The following FBLN1 variants were observed in gnomAD, a reference collection of about 807,000 sequenced individuals.
The protein encoded by FBLN1 is fibulin-1.
FBLN1 carries 34 observed loss-of-function variants against 89.7 expected under a neutral mutation model. That is an observed-to-expected ratio of 0.38 (90% confidence interval 0.29 to 0.50). The LOEUF (loss-of-function observed/expected upper bound fraction) is 0.50. Among genes scored for constraint, FBLN1 ranks in the 20% least tolerant of loss-of-function variants. FBLN1 has a pLI of 0.92. For synonymous variants in FBLN1, 393 were observed against 391.3 expected (o/e 1.00, Z -0.05); for missense variants, 777 against 988.1 (o/e 0.79, Z 2.86).
chr22:45,518,549 A>G (rs1602167572), intron 1 of FBLN1, 133 bp from the exon 2 acceptor site: 1 of 660,426 alleles, frequency 1.5e-6, no homozygotes, highest in Non-Finnish European at 2.7e-6. Flanking sequence ...TTGCAGAGTG[A>G]CTAAGGGATG....
chr22:45,503,001 C>G lies in FBLN1; in HGVS notation c.16C>G (p.Pro6Ala). The change falls in exon 1 of 17, where the codon CCG becomes GCG. Residue 6 changes from proline to alanine, a missense_variant. By Grantham distance (27) the Pro-to-Ala change is conservative. Transcript: ENST00000327858. ...CCCGCCGCCCATGGAGCGCGCCGCG[C>G]CGTCGCGCCGGGTCCCGCTTCCGCT... MERAA[P>A]SRRVPLPLLL... 1 of 1,229,502 alleles carries G rather than the reference C, an allele frequency of 8.1e-7. No individual in the cohort carries two copies. The highest frequency in any genetic ancestry group is 1.0e-6 in the Non-Finnish European group (1 of 986,278). 76.2% of individuals were successfully genotyped at this position (1,229,502 alleles called of 1,614,324 possible). A position where few individuals can be genotyped will look rare whatever the true frequency, so the allele number is the denominator to read the frequency against.
intron 2 of FBLN1, among the ~76,000 whole-genome samples, chr22:45,521,772 G>A (rs962473767): frequency 1.9e-4 from 29 of 152,210 alleles, no homozygotes; most frequent in African/African-American, 6.5e-4. Context: ...GGCAAGGGCT[G>A]TGGATGCGGG....
In FBLN1 at chr22:45,531,963, C is replaced by A. The variant is rs949777135; in HGVS notation, c.544+639C>A. Among the ~76,000 whole-genome samples, 2 of 152,232 alleles carry A rather than the reference C, an allele frequency of 1.3e-5. No homozygotes were observed. The highest frequency in any genetic ancestry group is 2.9e-5 in the Non-Finnish European group (2 of 68,044). On this transcript the variant is annotated intron_variant, in intron 5 of 16. Coordinates refer to ENST00000327858, the MANE Select transcript of FBLN1 (RefSeq NM_006486.3). This position sits in a 1 kb window ranked among gnomAD's most constrained non-coding sequence, Gnocchi z 4.9. ...TGTCACCATTGGTGATATTCATTTG[C>A]CTCACAGGGAGATGTCTGCACATTT... is the stretch of plus-strand genomic sequence containing the variant.
In FBLN1 at chr22:45,581,773, G is replaced by A. The variant is rs963736273; in HGVS notation, c.1972+4665G>A. On this transcript the variant is annotated intron_variant, in intron 16 of 16. Transcript: ENST00000327858. This position sits in a 1 kb window ranked among gnomAD's most constrained non-coding sequence, Gnocchi z 7.6. ...GGCTGAGGGGTGAGCCAGACAAGTG[G>A]GACACCCAAACTCACAGCCACGTCT... is the stretch of plus-strand genomic sequence containing the variant. Among the ~76,000 whole-genome samples, 10 of 152,026 alleles carry A rather than the reference G, an allele frequency of 6.6e-5. No homozygotes were observed. Among genetic ancestry groups the A allele is most frequent in the African/African-American group, 2.4e-4 (10 of 41,388 alleles).
intron 1 of FBLN1, among the ~76,000 whole-genome samples, chr22:45,514,543 G>T (rs2088143915): frequency 6.6e-6 from 1 of 152,196 alleles, no homozygotes; most frequent in East Asian, 1.9e-4. Context: ...TTTTGTGTGG[G>T]TGGGCTCCAG....
At chr22:45,514,176 A>G (rs551399689) in intron 1 of FBLN1, among the ~76,000 whole-genome samples, 1 of 152,066 alleles carries the variant, frequency 6.6e-6, no homozygotes, top group Non-Finnish European at 1.5e-5. Flanking sequence ...GTGGGAGTGG[A>G]GTTGGTTTTG....
chr22:45,591,478 G>A (rs1308771381), intron 16 of FBLN1, among the ~76,000 whole-genome samples: 1 of 152,146 alleles, frequency 6.6e-6, no homozygotes, highest in African/African-American at 2.4e-5. Context: ...CCTCCAAACT[G>A]TCTGATTTAG....
In FBLN1 at chr22:45,568,589, AG is replaced by A. The variant is rs1569260186; in HGVS notation, c.1698-5918del. 7.5e-3 allele frequency among the ~76,000 whole-genome samples: 776 copies of A among 103,344 alleles called. 278 individuals carry two copies. The highest frequency in any genetic ancestry group is 0.027 in the Middle Eastern group (5 of 188). 67.8% of individuals were successfully genotyped at this position (103,344 alleles called of 152,430 possible). A position where few individuals can be genotyped will look rare whatever the true frequency, so the allele number is the denominator to read the frequency against. Reference sequence around the variant, plus strand: ...TCCTTCTGTAGGAGAATGCTCCTGTAGGGGAATGCTCCTTCTGTAAGGGAAT... The same window carrying A: ...TCCTTCTGTAGGAGAATGCTCCTGTAGGGAATGCTCCTTCTGTAAGGGAAT... On this transcript the variant is annotated intron_variant, in intron 14 of 16. Coordinates refer to ENST00000327858, the MANE Select transcript of FBLN1 (RefSeq NM_006486.3).
chr22:45,503,461 T>G, intron 1 of FBLN1: 2 of 155,906 alleles, frequency 1.3e-5, no homozygotes, highest in African/African-American at 2.4e-5. Flanking sequence ...TCGGCTATCT[T>G]TCCTCACCGC....
chr22:45,591,418 C>G (rs1335996325), intron 16 of FBLN1, among the ~76,000 whole-genome samples: 3 of 129,664 alleles, frequency 2.3e-5, no homozygotes, highest in African/African-American at 1.3e-4. Context: ...GGGAAAGGTG[C>G]ACCCTGAAAC....
chr22:45,550,602 C>T lies in FBLN1; in HGVS notation c.1684C>T (p.Arg562Cys), dbSNP rs775320378. 2.2e-5 allele frequency: 35 copies of T among 1,613,998 alleles called. No individual in the cohort carries two copies. Among genetic ancestry groups the T allele is most frequent in the Middle Eastern group, 1.6e-4 (1 of 6,084 alleles). The change falls in exon 14 of 17, where the codon CGC (arginine) becomes TGC (cysteine). Residue 562 changes from arginine (R) to cysteine (C), a missense_variant. Arg to Cys is a radical substitution (Grantham distance 180). Transcript: ENST00000327858. The surrounding 1 kb of genome is among the most constrained non-coding windows in gnomAD (Gnocchi z 8.4). Reference protein sequence around the residue: ...LAFECPENYRRSAATLQQEKT... With the variant: ...LAFECPENYRCSAATLQQEKT... ...CTTCGAGTGCCCTGAGAACTACCGC[C>T]GCTCCGCAGCCACGTAAGTCCCTTG... is the stretch of plus-strand genomic sequence containing the variant.
At chr22:45,559,977 G>T (rs2088832146) in intron 14 of FBLN1, among the ~76,000 whole-genome samples, 2 of 152,110 alleles carry the variant, frequency 1.3e-5, no homozygotes, top group African/African-American at 4.8e-5. Flanking sequence ...CTCTTTTTTT[G>T]TAATTCAAAT....
At position 45,574,724 on chromosome 22, in the gene FBLN1, T is replaced by A; in HGVS notation, c.1840+71T>A. The A allele has an allele frequency of 7.3e-7, 1 of 1,369,678 alleles. No individual in the cohort carries two copies. The highest frequency in any genetic ancestry group is 1.0e-6 in the Non-Finnish European group (1 of 978,206). 84.8% of individuals were successfully genotyped at this position (1,369,678 alleles called of 1,614,324 possible). On this transcript the variant is annotated intron_variant, in intron 15 of 16. Transcript: ENST00000327858. This position sits in a 1 kb window ranked among gnomAD's most constrained non-coding sequence, Gnocchi z 4.1. ...CTCGGCTTCAGCTGAGGGCTTGGCCTACAGGAGTTGTTCCTTGTAAGATGT... is the reference window on the plus strand; with the variant it reads ...CTCGGCTTCAGCTGAGGGCTTGGCCAACAGGAGTTGTTCCTTGTAAGATGT...
chr22:45,594,582 A>T (rs1569269627), intron 16 of FBLN1, among the ~76,000 whole-genome samples: 1 of 150,058 alleles, frequency 6.7e-6, no homozygotes, highest in Non-Finnish European at 1.5e-5. Context: ...CATCTAATGG[A>T]TGGGTGGGTG....
At chr22:45,551,628 C>T (rs2088702992) in intron 14 of FBLN1, among the ~76,000 whole-genome samples, 1 of 152,234 alleles carries the variant, frequency 6.6e-6, no homozygotes, top group Admixed American at 6.5e-5. Context: ...GCTTGAAAAC[C>T]CAACATCTTG....
chr22:45,582,918 C>T (rs985001864), intron 16 of FBLN1, among the ~76,000 whole-genome samples: 1 of 152,176 alleles, frequency 6.6e-6, no homozygotes, highest in African/African-American at 2.4e-5. Context: ...CAAGACCAGA[C>T]CTTGTGTCCC....
intron 1 of FBLN1, among the ~76,000 whole-genome samples, chr22:45,514,681 C>T (rs577725694): frequency 9.3e-4 from 141 of 152,288 alleles, no homozygotes; most frequent in African/African-American, 3.0e-3. Flanking sequence ...TCTTGCAGAT[C>T]GGGCCCCTTG....
In FBLN1 at chr22:45,575,219, C is replaced by A. The variant is rs151338201; in HGVS notation, c.1840+566C>A. On this transcript the variant is annotated intron_variant, in intron 15 of 16. Transcript: ENST00000327858. This position sits in a 1 kb window ranked among gnomAD's most constrained non-coding sequence, Gnocchi z 6.3. ...GGTTGTTCTGCAGAGAGCCATTAAGCGCTGATTCTGTGACCAGCACTGGAG... is the reference window on the plus strand; with the variant it reads ...GGTTGTTCTGCAGAGAGCCATTAAGAGCTGATTCTGTGACCAGCACTGGAG... Among the ~76,000 whole-genome samples the A allele has an allele frequency of 1.3e-5, 2 of 152,118 alleles. No individual in the cohort carries two copies. The highest frequency in any genetic ancestry group is 2.9e-5 in the Non-Finnish European group (2 of 68,028).
chr22:45,515,956 G>A (rs1432765259), intron 1 of FBLN1, among the ~76,000 whole-genome samples: 1 of 152,232 alleles, frequency 6.6e-6, no homozygotes, highest in Non-Finnish European at 1.5e-5. Flanking sequence ...TGCTGGCATG[G>A]ATGTCGGGGG....
Sources: allele counts gnomAD v4.1 joint callset (sites outside exome capture counted in the v4.1 genomes callset), GRCh38; gene constraint gnomAD v4.1.1; non-coding constraint Gnocchi (gnomAD v3.1); transcripts MANE v1.5; gene names NCBI Gene and HGNC (gene_info 2026-07-23, HGNC 2026-07-21).